Variants in GFRA1 observed in about 807,000 individuals in gnomAD.
GFRA1 encodes the protein GDNF family receptor alpha 1.
Under a neutral mutation model 51.6 loss-of-function variants are expected in GFRA1, and 16 were observed. The ratio of observed to expected loss-of-function variants is 0.31; its 90% CI spans 0.21 to 0.47. GFRA1 has a LOEUF of 0.47. Ranked by LOEUF, GFRA1 falls within the 20% of genes least tolerant of loss-of-function variation. The probability of loss-of-function intolerance (pLI) is 1.00; values close to 1 mark genes in which losing one functional copy is unlikely to be tolerated. For missense variants in GFRA1, 530 were observed against 594.3 expected (o/e 0.89, Z 1.13); for synonymous variants, 270 against 241.3 (o/e 1.12, Z -1.10).
intron 6 of GFRA1, among the ~76,000 whole-genome samples, chr10:116,107,910 A>C (rs957580216): frequency 8.5e-5 from 13 of 152,294 alleles, no homozygotes; most frequent in African/African-American, 2.9e-4. Flanking sequence ...CTTGACTTTA[A>C]TAATTTGTGA....
intron 9 of GFRA1, among the ~76,000 whole-genome samples, chr10:116,074,513 T>G (rs2133808331): frequency 6.6e-6 from 1 of 152,280 alleles, no homozygotes; most frequent in East Asian, 1.9e-4. Context: ...CAGGAGCAAC[T>G]TCTGCAAATG....
chr10:116,104,364 T>TTCCCCA (rs1956929872), intron 6 of GFRA1, among the ~76,000 whole-genome samples: 2 of 152,334 alleles, frequency 1.3e-5, no homozygotes, highest in South Asian at 4.1e-4. Flanking sequence ...CCCCGATCAC[T>TTCCCCA]GTTGCTCCTC....
At chr10:116,170,471 T>G (rs1960914826) in intron 5 of GFRA1, among the ~76,000 whole-genome samples, 1 of 152,182 alleles carries the variant, frequency 6.6e-6, no homozygotes, top group African/African-American at 2.4e-5. Context: ...TCTTCTAAAT[T>G]TCTGTGTTTT....
intron 6 of GFRA1, among the ~76,000 whole-genome samples, chr10:116,112,355 T>C (rs1384451792): frequency 1.3e-5 from 2 of 152,148 alleles, no homozygotes; most frequent in Admixed American, 1.3e-4. Context: ...TTGCCGGCTT[T>C]TCCGATTCTA....
At chr10:116,267,073 TG>T (rs1346227834) in intron 4 of GFRA1, among the ~76,000 whole-genome samples, 1 of 151,726 alleles carries the variant, frequency 6.6e-6, no homozygotes, top group East Asian at 1.9e-4. Flanking sequence ...CCCAGGAGTT[TG>T]GGGCAACAGT....
At chr10:116,199,045 G>A (rs1964124496) in intron 5 of GFRA1, among the ~76,000 whole-genome samples, 1 of 152,164 alleles carries the variant, frequency 6.6e-6, no homozygotes, top group African/African-American at 2.4e-5. Flanking sequence ...ACGGGCTGCT[G>A]AGAATCCCCA....
chr10:116,239,720 C>T (rs986613772), intron 4 of GFRA1, among the ~76,000 whole-genome samples: 2 of 152,130 alleles, frequency 1.3e-5, no homozygotes, highest in African/African-American at 2.4e-5. Context: ...TTGTGATAGA[C>T]ACGTATCATC....
chr10:116,127,833 G>A (rs12781677), intron 5 of GFRA1, among the ~76,000 whole-genome samples: 54,552 of 152,130 alleles, frequency 0.36, 10,042 homozygotes, highest in East Asian at 0.41. Context: ...AGATTTCTAA[G>A]TTATGCATTT....
chr10:116,091,549 C>CAA (rs1014986124), intron 8 of GFRA1, among the ~76,000 whole-genome samples: 18 of 152,302 alleles, frequency 1.2e-4, no homozygotes, highest in Admixed American at 6.5e-4. Flanking sequence ...TCACCTCCAT[C>CAA]CCATTTGTCT....
At chr10:116,244,293 AAAAG>A (rs1410510892) in intron 4 of GFRA1, among the ~76,000 whole-genome samples, 1 of 149,648 alleles carries the variant, frequency 6.7e-6, no homozygotes, top group Non-Finnish European at 1.5e-5. Flanking sequence ...TATCTCATCA[AAAAG>A]AAGAAAAATT....
intron 5 of GFRA1, among the ~76,000 whole-genome samples, chr10:116,154,718 A>C (rs1396725062): frequency 6.6e-6 from 1 of 152,204 alleles, no homozygotes; most frequent in African/African-American, 2.4e-5. Flanking sequence ...AGTTAACTTT[A>C]AAAATAGTGA....
At chr10:116,150,446 C>T (rs1479802994) in intron 5 of GFRA1, among the ~76,000 whole-genome samples, 4 of 152,160 alleles carry the variant, frequency 2.6e-5, no homozygotes, top group Admixed American at 2.0e-4. Flanking sequence ...CATGGAAATG[C>T]TTCTGAGGGG....
At chr10:116,184,385 G>C (rs1962511425) in intron 5 of GFRA1, among the ~76,000 whole-genome samples, 1 of 151,986 alleles carries the variant, frequency 6.6e-6, no homozygotes, top group South Asian at 2.1e-4. Context: ...CTTATCCCTG[G>C]GCCCACATGC....
chr10:116,196,358 A>G (rs906433912), intron 5 of GFRA1, among the ~76,000 whole-genome samples: 1 of 150,654 alleles, frequency 6.6e-6, no homozygotes, highest in South Asian at 2.1e-4. Context: ...ACGTGGTGGC[A>G]GGTGCCTGTA....
chr10:116,134,334 C>A (rs753681197), intron 5 of GFRA1, among the ~76,000 whole-genome samples: 1 of 152,204 alleles, frequency 6.6e-6, no homozygotes, highest in Non-Finnish European at 1.5e-5. Context: ...TAGGCTCCCT[C>A]TAATGTGTTT....
At chr10:116,065,341 T>G (rs1955053416) in intron 10 of GFRA1, among the ~76,000 whole-genome samples, 1 of 152,204 alleles carries the variant, frequency 6.6e-6, no homozygotes, top group South Asian at 2.1e-4. Flanking sequence ...CTGGAACACT[T>G]GTATTAATCC....
At chr10:116,251,046 TCCAC>T (rs1968304826) in intron 4 of GFRA1, among the ~76,000 whole-genome samples, 1 of 152,242 alleles carries the variant, frequency 6.6e-6, no homozygotes, top group Non-Finnish European at 1.5e-5. Flanking sequence ...CATTCTGATT[TCCAC>T]GTGTAAAAGG....
chr10:116,120,346 G>T (rs1480662095), intron 6 of GFRA1, among the ~76,000 whole-genome samples: 1 of 152,160 alleles, frequency 6.6e-6, no homozygotes, highest in Admixed American at 6.5e-5. Flanking sequence ...TGAGGCAGGA[G>T]GATCACTCCA....
intron 4 of GFRA1, among the ~76,000 whole-genome samples, chr10:116,249,147 G>T (rs1565679085): frequency 6.6e-6 from 1 of 152,124 alleles, no homozygotes; most frequent in Non-Finnish European, 1.5e-5. Flanking sequence ...TTCTCTTTGG[G>T]ATCACTTTTT....
Sources: gnomAD v4.1 joint callset for allele counts (sites outside exome capture counted in the v4.1 genomes callset) on GRCh38, gnomAD v4.1.1 for gene constraint, MANE v1.5 for transcripts, NCBI Gene and HGNC (gene_info 2026-07-23, HGNC 2026-07-21) for gene names.